DIP2C: variants seen among roughly 807,000 people sequenced by gnomAD.
The protein encoded by DIP2C is DIP2 acetate--CoA ligase C (putative).
A neutral mutation model predicts 192.4 loss-of-function variants in DIP2C; 33 were observed. The observed-to-expected ratio is 0.17, with a 90% CI of 0.13 to 0.23. The LOEUF (loss-of-function observed/expected upper bound fraction) is 0.23, where lower values mean the gene tolerates loss of function less well. Ranked by LOEUF, DIP2C falls within the 10% of genes least tolerant of loss-of-function variation. DIP2C has a pLI of 1.00. For missense variants in DIP2C, 1,537 were observed against 2,110.1 expected (o/e 0.73, Z 5.32); for synonymous variants, 979 against 864.1 (o/e 1.13, Z -2.33).
At chr10:438,794 T>C (rs1967482742) in intron 4 of DIP2C, among the ~76,000 whole-genome samples, 1 of 152,118 alleles carries the variant, frequency 6.6e-6, no homozygotes, top group African/African-American at 2.4e-5. Flanking sequence ...CCTGGCCTAA[T>C]CATTTTTAAA....
intron 29 of DIP2C, among the ~76,000 whole-genome samples, chr10:335,678 G>A (rs1489859908): frequency 6.6e-6 from 1 of 152,222 alleles, no homozygotes; most frequent in African/African-American, 2.4e-5. Context: ...CGCGGATGCG[G>A]CTCTCTTCAT....
intron 1 of DIP2C, among the ~76,000 whole-genome samples, chr10:528,674 T>A (rs566911192): frequency 1.3e-5 from 2 of 152,224 alleles, no homozygotes; most frequent in Non-Finnish European, 2.9e-5. Flanking sequence ...ACCTGTAGGG[T>A]CCTCTCCTCC....
chr10:378,763 A>G (rs1435942725), intron 17 of DIP2C, among the ~76,000 whole-genome samples: 1 of 152,112 alleles, frequency 6.6e-6, no homozygotes, highest in Non-Finnish European at 1.5e-5. Flanking sequence ...ACATGCCTAG[A>G]CACGTGAACA....
intron 4 of DIP2C, among the ~76,000 whole-genome samples, chr10:424,510 C>G (rs1223904972): frequency 6.6e-6 from 1 of 151,876 alleles, no homozygotes; most frequent in Non-Finnish European, 1.5e-5. Flanking sequence ...AGATTACAGG[C>G]ACCTACCACT....
intron 6 of DIP2C, among the ~76,000 whole-genome samples, chr10:418,558 A>T (rs1965961545): frequency 6.6e-6 from 1 of 152,214 alleles, no homozygotes; most frequent in Non-Finnish European, 1.5e-5. Context: ...GCCACAAAGA[A>T]GGAAGGAAGA....
In DIP2C at chr10:679,309, G is replaced by C. The variant is rs369548358; in HGVS notation, c.85+10185C>G. Among the ~76,000 whole-genome samples the C allele has an allele frequency of 4.1e-3, 12 of 2,940 alleles. 1 individual carries two copies. Among genetic ancestry groups the C allele is most frequent in the Non-Finnish European group, 0.028 (4 of 144 alleles). 1.9% of individuals were successfully genotyped at this position (2,940 alleles called of 152,430 possible). A position where few individuals can be genotyped will look rare whatever the true frequency, so the allele number is the denominator to read the frequency against. The stretch of plus-strand genomic sequence containing the variant: ...GCCCATCTCTGCTCCCCACGCCCAG[G>C]CTCCCCGCACCCATCCTCCCTGCGC... On this transcript the variant is annotated intron_variant, in intron 1 of 36. Transcript: ENST00000280886.
At chr10:390,705 TG>T (rs1261951001) in intron 11 of DIP2C, 34 bp downstream of exon 11, 1 of 1,601,922 alleles carries the variant, frequency 6.2e-7, no homozygotes, top group Non-Finnish European at 8.5e-7. Context: ...ACAAAGGACG[TG>T]GGCATGCGAG....
chr10:376,248 G>A (rs932520571), intron 17 of DIP2C, among the ~76,000 whole-genome samples: 2 of 150,298 alleles, frequency 1.3e-5, no homozygotes, highest in African/African-American at 5.0e-5. Context: ...GGCCGACCTC[G>A]GCCCCCGACA....
At position 275,882 on chromosome 10, in the gene DIP2C, T is replaced by TGAAC. The variant is rs1222886573; in HGVS notation, c.*1439_*1442dup. ...TCTTGCTTCAGCCGGAGCTCTGGCATGAACCCCCGGGGAACTGTGCTCACT... is the reference window on the plus strand; with the variant it reads ...TCTTGCTTCAGCCGGAGCTCTGGCATGAACGAACCCCCGGGGAACTGTGCTCACT... On this transcript the variant is annotated 3_prime_UTR_variant, in exon 37 of 37. Transcript: ENST00000280886. The TGAAC allele has an allele frequency of 6.6e-6, 1 of 152,196 alleles. No individual in the cohort carries two copies. Among genetic ancestry groups the TGAAC allele is most frequent in the Non-Finnish European group, 1.5e-5 (1 of 68,048 alleles). 9.4% of individuals were successfully genotyped at this position (152,196 alleles called of 1,614,324 possible).
At chr10:515,964 G>C (rs899836545) in intron 1 of DIP2C, among the ~76,000 whole-genome samples, 6 of 152,010 alleles carry the variant, frequency 3.9e-5, no homozygotes, top group Non-Finnish European at 8.8e-5. Flanking sequence ...GCTGCAGAAA[G>C]TGATGGCACT....
intron 26 of DIP2C, 147 bp downstream of exon 26, chr10:348,494 T>TAG (rs1958629174): frequency 7.8e-7 from 1 of 1,277,738 alleles, no homozygotes; most frequent in Non-Finnish European, 1.1e-6. Context: ...TCCCTGCAGG[T>TAG]AGAGACCCTG....
At chr10:286,806 G>A (rs1287086406) in intron 33 of DIP2C, among the ~76,000 whole-genome samples, 1 of 152,222 alleles carries the variant, frequency 6.6e-6, no homozygotes, top group Non-Finnish European at 1.5e-5. Flanking sequence ...CATGGATGGA[G>A]GGTGATGCTT....
rs1438758629 is a variant in DIP2C at position 308,115 on chromosome 10, C to T, written c.3986+1916G>A. Reference sequence around the variant, plus strand: ...CAGGGAGGCTTTGGGGGTGCCTGGGCGGGGCCCGGTGAAAGGAAGTCACTT... The same window carrying T: ...CAGGGAGGCTTTGGGGGTGCCTGGGTGGGGCCCGGTGAAAGGAAGTCACTT... On this transcript the variant is annotated intron_variant, in intron 32 of 36. Transcript: ENST00000280886. 3.3e-5 allele frequency among the ~76,000 whole-genome samples: 5 copies of T among 152,182 alleles called. 1 individual carries two copies. In the Middle Eastern group the frequency reaches 9.5e-3, roughly 289 times the overall value.
At chr10:448,111 A>G (rs1328188125) in intron 3 of DIP2C, among the ~76,000 whole-genome samples, 4 of 122,356 alleles carry the variant, frequency 3.3e-5, no homozygotes, top group South Asian at 2.6e-4. Flanking sequence ...AGCAGGACCC[A>G]CTCATCCCCA....
chr10:488,215 T>C (rs2133567227), intron 1 of DIP2C, among the ~76,000 whole-genome samples: 1 of 152,232 alleles, frequency 6.6e-6, no homozygotes, highest in Admixed American at 6.5e-5. Flanking sequence ...CCCCGCATTT[T>C]CCCCCAAACC....
chr10:351,429 G>A (rs1958805055), intron 24 of DIP2C, among the ~76,000 whole-genome samples: 1 of 152,162 alleles, frequency 6.6e-6, no homozygotes, highest in Non-Finnish European at 1.5e-5. Flanking sequence ...TCTGCGCCAG[G>A]GCCAGGACCA....
At chr10:392,043 G>A (rs1442557796) in intron 10 of DIP2C, among the ~76,000 whole-genome samples, 2 of 152,204 alleles carry the variant, frequency 1.3e-5, no homozygotes, top group African/African-American at 2.4e-5. Flanking sequence ...AGATCTGGCC[G>A]CCGGGAGCTC....
intron 1 of DIP2C, among the ~76,000 whole-genome samples, chr10:580,251 AGTAT>A (rs1850530102): frequency 6.6e-6 from 1 of 152,100 alleles, no homozygotes; most frequent in African/African-American, 2.4e-5. Context: ...ACATGTGTAA[AGTAT>A]GTACATATGC....
intron 29 of DIP2C, among the ~76,000 whole-genome samples, chr10:334,125 C>CA (rs1216284857): frequency 6.6e-6 from 1 of 151,662 alleles, no homozygotes. Flanking sequence ...GCCAACATGG[C>CA]AAAACACTGT....
Sources: allele counts gnomAD v4.1 joint callset (sites outside exome capture counted in the v4.1 genomes callset), GRCh38; gene constraint gnomAD v4.1.1; transcripts MANE v1.5; gene names NCBI Gene and HGNC (gene_info 2026-07-23, HGNC 2026-07-21).